SLC8A1: variants seen among roughly 807,000 people sequenced by gnomAD.
SLC8A1 encodes the protein solute carrier family 8 member A1.
SLC8A1 carries 18 observed loss-of-function variants against 68.3 expected under a neutral mutation model. The observed-to-expected ratio is 0.26, with a 90% CI of 0.18 to 0.39. SLC8A1 has a LOEUF of 0.39. Among genes scored for constraint, SLC8A1 ranks in the 10% least tolerant of loss-of-function variants. The pLI, the probability that SLC8A1 is intolerant of heterozygous loss-of-function variation, is 1.00. For synonymous variants in SLC8A1, 475 were observed against 415.5 expected (o/e 1.14, Z -1.74); for missense variants, 985 against 1,156.7 (o/e 0.85, Z 2.15).
chr2:40,335,695 T>TCCTAGACTACAACA (rs1486806281), intron 2 of SLC8A1, among the ~76,000 whole-genome samples: 6 of 152,380 alleles, frequency 3.9e-5, no homozygotes, highest in Admixed American at 2.6e-4. Context: ...AACAGCCCTT[T>TCCTAGACTACAACA]GCTACAAACT....
intron 2 of SLC8A1, among the ~76,000 whole-genome samples, chr2:40,214,688 T>C (rs1437949937): frequency 2.0e-5 from 3 of 152,130 alleles, no homozygotes; most frequent in African/African-American, 4.8e-5. Flanking sequence ...TCCGCCTGCC[T>C]TGGCCTCCCA....
At chr2:40,437,212 CACG>C (rs1699599177) in intron 1 of SLC8A1, among the ~76,000 whole-genome samples, 1 of 152,112 alleles carries the variant, frequency 6.6e-6, no homozygotes, top group African/African-American at 2.4e-5. Flanking sequence ...ATTTTATTTT[CACG>C]ACAATAAGTT....
intron 1 of SLC8A1, among the ~76,000 whole-genome samples, chr2:40,458,996 T>C (rs1240142361): frequency 2.0e-5 from 3 of 152,182 alleles, no homozygotes; most frequent in African/African-American, 7.2e-5. Flanking sequence ...TAGCCATGAA[T>C]TCATTTGTTC....
At chr2:40,135,642 C>T (rs180711791) in intron 7 of SLC8A1, among the ~76,000 whole-genome samples, 44 of 152,174 alleles carry the variant, frequency 2.9e-4, no homozygotes, top group African/African-American at 6.7e-4. Flanking sequence ...TGCTTGAACC[C>T]GAGAGGCGGA....
intron 2 of SLC8A1, among the ~76,000 whole-genome samples, chr2:40,210,805 A>G (rs766253093): frequency 1.2e-4 from 19 of 152,160 alleles, no homozygotes; most frequent in Non-Finnish European, 2.4e-4. Context: ...CTCTCTCTTT[A>G]TTCTCACTCC....
chr2:40,301,738 C>A (rs1439008812), intron 2 of SLC8A1, among the ~76,000 whole-genome samples: 1 of 151,998 alleles, frequency 6.6e-6, no homozygotes, highest in Admixed American at 6.6e-5. Context: ...CCATAAAATT[C>A]TTTTTTAAAT....
intron 1 of SLC8A1, among the ~76,000 whole-genome samples, chr2:40,448,044 G>A (rs1261271154): frequency 6.6e-6 from 1 of 152,146 alleles, no homozygotes; most frequent in Non-Finnish European, 1.5e-5. Context: ...GTTCAATATA[G>A]TCTCTGCAAA....
chr2:40,445,466 A>T (rs1490909302), intron 1 of SLC8A1, among the ~76,000 whole-genome samples: 2 of 152,100 alleles, frequency 1.3e-5, no homozygotes, highest in African/African-American at 2.4e-5. Context: ...GAAAAAGAAA[A>T]AGAGGTAACT....
intron 1 of SLC8A1, among the ~76,000 whole-genome samples, chr2:40,487,492 G>C (rs1705045893): frequency 6.6e-6 from 1 of 152,028 alleles, no homozygotes; most frequent in South Asian, 2.1e-4. Context: ...GCTCTTAACT[G>C]TCTTCTTAAA....
At chr2:40,169,382 C>A (rs2047071065) in intron 4 of SLC8A1, among the ~76,000 whole-genome samples, 1 of 152,174 alleles carries the variant, frequency 6.6e-6, no homozygotes, top group Non-Finnish European at 1.5e-5. Context: ...TCTCTCCTGA[C>A]AATTTTTAGC....
intron 2 of SLC8A1, among the ~76,000 whole-genome samples, chr2:40,387,431 C>CT (rs957379337): frequency 8.0e-5 from 12 of 150,748 alleles, no homozygotes; most frequent in East Asian, 2.0e-4. Flanking sequence ...AAAACTCAAA[C>CT]TTTTTTTTTC....
chr2:40,439,066 T>C (rs1700009926), intron 1 of SLC8A1, among the ~76,000 whole-genome samples: 1 of 152,162 alleles, frequency 6.6e-6, no homozygotes, highest in African/African-American at 2.4e-5. Flanking sequence ...GATCAAAATA[T>C]GAAGCCCCGT....
At chr2:40,210,365 T>C (rs2056361436) in intron 2 of SLC8A1, among the ~76,000 whole-genome samples, 1 of 152,162 alleles carries the variant, frequency 6.6e-6, no homozygotes, top group Non-Finnish European at 1.5e-5. Context: ...GCATTTGGGC[T>C]CAAGGTCTTA....
chr2:40,340,539 C>A (rs976050016), intron 2 of SLC8A1, among the ~76,000 whole-genome samples: 4 of 152,096 alleles, frequency 2.6e-5, no homozygotes, highest in African/African-American at 9.7e-5. Flanking sequence ...CCAGCCTGGC[C>A]AACAGAGTGA....
At chr2:40,396,847 G>T (rs1482184615) in intron 2 of SLC8A1, among the ~76,000 whole-genome samples, 1 of 149,984 alleles carries the variant, frequency 6.7e-6, no homozygotes, top group Non-Finnish European at 1.5e-5. Context: ...TTATTCCAGT[G>T]ATAATGACCT....
intron 2 of SLC8A1, among the ~76,000 whole-genome samples, chr2:40,353,792 C>T (rs553862580): frequency 6.6e-6 from 1 of 152,294 alleles, no homozygotes; most frequent in East Asian, 1.9e-4. Flanking sequence ...ACAATGGCAG[C>T]GAAGCGCTCT....
rs1165292757 is a variant in SLC8A1, at chr2:40,376,303, T to C, written c.1808+52170A>G. Among the ~76,000 whole-genome samples the C allele has an allele frequency of 1.4e-4, 21 of 152,248 alleles. 1 individual carries two copies. In the East Asian group the frequency reaches 4.1e-3, roughly 30 times the overall value. On this transcript the variant is annotated intron_variant, in intron 2 of 7. Coordinates refer to ENST00000406785, the Ensembl canonical transcript of SLC8A1. The stretch of plus-strand genomic sequence containing the variant: ...AGCTAACCTAAGCCAATTTTGCTTG[T>C]CAATATTTTGGTAAATAATCATGGT...
At chr2:40,231,326 G>T (rs985716117) in intron 2 of SLC8A1, among the ~76,000 whole-genome samples, 1 of 152,148 alleles carries the variant, frequency 6.6e-6, no homozygotes, top group Non-Finnish European at 1.5e-5. Context: ...AATGTTCATT[G>T]GACTTATGGC....
At chr2:40,180,541 G>A (rs1372113127) in intron 2 of SLC8A1, among the ~76,000 whole-genome samples, 1 of 152,184 alleles carries the variant, frequency 6.6e-6, no homozygotes, top group Non-Finnish European at 1.5e-5. Flanking sequence ...GAGACCAAGG[G>A]TAGGAAAGTG....
Sources: allele counts gnomAD v4.1 joint callset (sites outside exome capture counted in the v4.1 genomes callset), GRCh38; gene constraint gnomAD v4.1.1; transcripts MANE v1.5; gene names NCBI Gene and HGNC (gene_info 2026-07-23, HGNC 2026-07-21).